Variants in RAB21 observed in about 807,000 individuals in gnomAD.
RAB21 encodes ras-related protein Rab-21.
RAB21 carries 13 observed loss-of-function variants against 33.1 expected under a neutral mutation model. That is an observed-to-expected ratio of 0.39 (90% CI 0.26 to 0.62). The LOEUF is 0.62. Among genes scored for constraint, RAB21 ranks in the 20% least tolerant of loss-of-function variants. The pLI is 0.48. For missense variants in RAB21, 234 were observed against 279.1 expected, an observed-to-expected ratio of 0.84 and a Z score of 1.15; for synonymous variants, 91 against 103.7, an observed-to-expected ratio of 0.88 and a Z score of 0.74.
Position 71,781,412 on chromosome 12 carries a change from T to C in RAB21, c.392-619T>C, listed in dbSNP as rs753923372. 4.1e-4 allele frequency among the ~76,000 whole-genome samples: 62 copies of C among 149,508 alleles called. 1 individual carries two copies. The highest frequency in any genetic ancestry group is 2.1e-4 in the South Asian group (1 of 4,750). ...TGAACCCGGGAGGCGGAGCTTGCAG[T>C]GAGCCGAGATGGCGCCACTGCACTC... On this transcript the variant is annotated intron_variant, in intron 4 of 6. Coordinates refer to ENST00000261263, the MANE Select transcript of RAB21 (RefSeq NM_014999.4).
rs143160857 is a variant in RAB21 at position 71,792,023 on chromosome 12, A to AC, written c.*6353dup. On this transcript the variant is annotated 3_prime_UTR_variant, in exon 7 of 7. Transcript: ENST00000261263. ...GGTATTACAGGTGCATAACACCACC[A>AC]CCCACGCCTGGCTAATTGTTTTGTT... 6.6e-6 allele frequency: 1 copy of AC among 151,902 alleles called. No homozygotes were observed. The highest frequency in any genetic ancestry group is 2.4e-5 in the African/African-American group (1 of 41,326). The allele number at this position is 151,902 out of a possible 1,614,324, so 9.4% of individuals were successfully genotyped here.
In RAB21 at chr12:71,771,975, C is replaced by CA. The variant is rs1387002732; in HGVS notation, c.327+1289dup. Among the ~76,000 whole-genome samples the CA allele has an allele frequency of 4.4e-3, 577 of 130,034 alleles. 2 individuals carry two copies. Among genetic ancestry groups the CA allele is most frequent in the African/African-American group, 0.013 (459 of 36,256 alleles). The allele number at this position is 130,034 out of a possible 152,430, so 85.3% of individuals were successfully genotyped here. A position where few individuals can be genotyped will look rare whatever the true frequency, so the allele number is the denominator to read the frequency against. ...TGGGTGACAGAGTGAGACTCCATCT[C>CA]AAAAAAAAAAAAAGATCGAGTCATT... On this transcript the variant is annotated intron_variant, in intron 3 of 6. Coordinates refer to ENST00000261263, the MANE Select transcript of RAB21 (RefSeq NM_014999.4).
intron 6 of RAB21, among the ~76,000 whole-genome samples, chr12:71,784,400 G>A (rs1883249335): frequency 6.6e-6 from 1 of 152,040 alleles, no homozygotes; most frequent in African/African-American, 2.4e-5. Context: ...TTTCTCCTAT[G>A]AAGATTTTTC....
intron 6 of RAB21, among the ~76,000 whole-genome samples, chr12:71,783,706 A>C (rs548795146): frequency 6.6e-6 from 1 of 152,298 alleles, no homozygotes; most frequent in African/African-American, 2.4e-5. Flanking sequence ...ACTAAAATAT[A>C]AGAGCCAATG....
Position 71,786,761 on chromosome 12 carries a change from TGTC to T in RAB21, c.*1089_*1091del, listed in dbSNP as rs1363489458. 1 of 152,420 alleles carries T rather than the reference TGTC, an allele frequency of 6.6e-6. No homozygotes were observed. The highest frequency in any genetic ancestry group is 2.4e-5 in the African/African-American group (1 of 41,464). 9.4% of individuals were successfully genotyped at this position (152,420 alleles called of 1,614,324 possible). On this transcript the variant is annotated 3_prime_UTR_variant, in exon 7 of 7. Transcript: ENST00000261263. Reference sequence around the variant, plus strand: ...CATACTTTACTTGAATTATTGCTGTTGTCACATATTTTTGCCTCTGTGAGTTCA... The same window carrying T: ...CATACTTTACTTGAATTATTGCTGTTACATATTTTTGCCTCTGTGAGTTCA...
chr12:71,789,306 TTTAA>T lies in RAB21; in HGVS notation c.*3637_*3640del, dbSNP rs1452515830. On this transcript the variant is annotated 3_prime_UTR_variant, in exon 7 of 7. Coordinates refer to ENST00000261263, the MANE Select transcript of RAB21 (RefSeq NM_014999.4). ...AATGGATTGTGATACTGTTTATTTC[TTTAA>T]TTATATAATTTGCAATTTTCTGTAT... The T allele has an allele frequency of 6.6e-6, 1 of 152,116 alleles. No homozygotes were observed. Among genetic ancestry groups the T allele is most frequent in the African/African-American group, 2.4e-5 (1 of 41,448 alleles). 9.4% of individuals were successfully genotyped at this position (152,116 alleles called of 1,614,324 possible). A position where few individuals can be genotyped will look rare whatever the true frequency, so the allele number is the denominator to read the frequency against.
At chr12:71,764,479 A>G (rs1434061218) in intron 1 of RAB21, among the ~76,000 whole-genome samples, 1 of 152,006 alleles carries the variant, frequency 6.6e-6, no homozygotes, top group Non-Finnish European at 1.5e-5. Flanking sequence ...TTTTTATTTC[A>G]ATAGTTTTTG....
chr12:71,785,617 A>G lies in RAB21; in HGVS notation c.622A>G (p.Ile208Val), dbSNP rs1565896040. The G allele has an allele frequency of 7.4e-6, 12 of 1,614,176 alleles. No homozygotes were observed. Among genetic ancestry groups the G allele is most frequent in the Non-Finnish European group, 8.5e-6 (10 of 1,180,024 alleles). The change falls in exon 7 of 7, where the codon ATT becomes GTT. Residue 208 changes from isoleucine to valine, a missense_variant. Coordinates refer to ENST00000261263, the MANE Select transcript of RAB21 (RefSeq NM_014999.4). Reference sequence around the variant, plus strand: ...AACTGCAAGGCGAGGTGTACAGATTATTGATGATGAACCTCAAGCCCAGAC... The same window carrying G: ...AACTGCAAGGCGAGGTGTACAGATTGTTGATGATGAACCTCAAGCCCAGAC... ...PGTARRGVQI[I>V]DDEPQAQTSG...
At chr12:71,776,980 T>A (rs1883129799) in intron 4 of RAB21, among the ~76,000 whole-genome samples, 2 of 152,236 alleles carry the variant, frequency 1.3e-5, no homozygotes, top group South Asian at 4.1e-4. Context: ...GAGAACAACT[T>A]ATTTTTTCTG....
intron 3 of RAB21, among the ~76,000 whole-genome samples, chr12:71,771,781 C>A (rs1883045582): frequency 1.3e-5 from 2 of 151,956 alleles, no homozygotes; most frequent in South Asian, 4.2e-4. Context: ...AGAGACCAGC[C>A]CAGCCAACAT....
At chr12:71,762,645 C>T (rs6582054) in intron 1 of RAB21, among the ~76,000 whole-genome samples, 30,290 of 151,654 alleles carry the variant, frequency 0.2, 3,492 homozygotes, top group East Asian at 0.37. Flanking sequence ...AGGAATGGCA[C>T]GATCTCAGTT....
intron 4 of RAB21, among the ~76,000 whole-genome samples, chr12:71,775,837 G>A (rs1474098001): frequency 6.8e-6 from 1 of 146,228 alleles, no homozygotes; most frequent in African/African-American, 2.6e-5. Context: ...ACCCGGCCAA[G>A]AATTTTTTTT....
chr12:71,771,743 G>C (rs963176267), intron 3 of RAB21, among the ~76,000 whole-genome samples: 5 of 152,154 alleles, frequency 3.3e-5, no homozygotes, highest in African/African-American at 1.2e-4. Context: ...GGAGGTCGAG[G>C]ACAGCGGGTC....
intron 4 of RAB21, among the ~76,000 whole-genome samples, chr12:71,774,701 G>A (rs935977243): frequency 6.6e-6 from 1 of 151,030 alleles, no homozygotes; most frequent in Non-Finnish European, 1.5e-5. Context: ...AGGTTGCAGT[G>A]AGCCAAGATC....
intron 5 of RAB21, 160 bp from the exon 6 acceptor site, chr12:71,782,410 A>T: frequency 1.9e-6 from 1 of 529,128 alleles, no homozygotes; most frequent in East Asian, 3.1e-5. Context: ...GTTATTTAAA[A>T]TTTGATTTAA....
Position 71,792,057 on chromosome 12 carries a change from G to A in RAB21, c.*6384G>A, listed in dbSNP as rs1883393427. ...TGGCTAATTGTTTTGTTTTTTTTGT[G>A]GAGATGGCTCTCACTTTGTTGCCCA... On this transcript the variant is annotated 3_prime_UTR_variant, in exon 7 of 7. Transcript: ENST00000261263. 6.6e-6 allele frequency: 1 copy of A among 151,890 alleles called. No individual in the cohort carries two copies. The highest frequency in any genetic ancestry group is 6.6e-5 in the Admixed American group (1 of 15,238). 9.4% of individuals were successfully genotyped at this position (151,890 alleles called of 1,614,324 possible). A position where few individuals can be genotyped will look rare whatever the true frequency, so the allele number is the denominator to read the frequency against.
intron 1 of RAB21, among the ~76,000 whole-genome samples, chr12:71,759,222 G>A (rs1313429520): frequency 6.6e-6 from 1 of 152,184 alleles, no homozygotes; most frequent in Non-Finnish European, 1.5e-5. Context: ...CACTGACTGG[G>A]CTCCTTTGGG....
Position 71,799,170 on chromosome 12 carries a change from A to G in RAB21, c.*13497A>G, listed in dbSNP as rs1469049749. ...TTCTTTCTCCAGCTTCCCAGGAGTG[A>G]AAGGTTGTAGTGGCTGGCCTCTGGT... is the stretch of plus-strand genomic sequence containing the variant. On this transcript the variant is annotated 3_prime_UTR_variant, in exon 7 of 7. Transcript: ENST00000261263. 6.6e-6 allele frequency: 1 copy of G among 152,236 alleles called. No individual in the cohort carries two copies. Among genetic ancestry groups the G allele is most frequent in the Non-Finnish European group, 1.5e-5 (1 of 68,050 alleles). 9.4% of individuals were successfully genotyped at this position (152,236 alleles called of 1,614,324 possible).
rs1324975164 is a variant in RAB21 at position 71,792,536 on chromosome 12, G to A, written c.*6863G>A. ...GACACAAGGTTAAACGTGTGCCCCA[G>A]AACAAATGCATTTATTCATGTTTGA... On this transcript the variant is annotated 3_prime_UTR_variant, in exon 7 of 7. Transcript: ENST00000261263. The A allele has an allele frequency of 2.0e-5, 3 of 152,160 alleles. No homozygotes were observed. The highest frequency in any genetic ancestry group is 1.3e-4 in the Admixed American group (2 of 15,274). 9.4% of individuals were successfully genotyped at this position (152,160 alleles called of 1,614,324 possible). A position where few individuals can be genotyped will look rare whatever the true frequency, so the allele number is the denominator to read the frequency against.
Sources: allele counts gnomAD v4.1 joint callset (sites outside exome capture counted in the v4.1 genomes callset), GRCh38; gene constraint gnomAD v4.1.1; transcripts MANE v1.5; gene names NCBI Gene and HGNC (gene_info 2026-07-23, HGNC 2026-07-21).